The following GUCY1A2 variants were observed in gnomAD, a reference collection of about 807,000 sequenced individuals.
GUCY1A2 encodes the protein guanylate cyclase soluble subunit alpha-2.
GUCY1A2 carries 27 observed loss-of-function variants against 63.5 expected under a neutral mutation model. That is an observed-to-expected ratio of 0.43 (90% CI 0.31 to 0.59). The LOEUF (loss-of-function observed/expected upper bound fraction) is 0.59. Among genes scored for constraint, GUCY1A2 ranks in the 20% least tolerant of loss-of-function variants. The pLI, the probability that GUCY1A2 is intolerant of heterozygous loss-of-function variation, is 0.11. For synonymous variants in GUCY1A2, 364 were observed against 343.5 expected (o/e 1.06, Z -0.66); for missense variants, 768 against 913.3 (o/e 0.84, Z 2.05).
At chr11:106,884,020 C>G (rs182554734) in intron 4 of GUCY1A2, among the ~76,000 whole-genome samples, 1 of 152,166 alleles carries the variant, frequency 6.6e-6, no homozygotes. Flanking sequence ...GTGGGAACAT[C>G]ACACACCAGG....
chr11:106,723,440 T>A (rs1863352321), intron 6 of GUCY1A2, among the ~76,000 whole-genome samples: 1 of 152,218 alleles, frequency 6.6e-6, no homozygotes. Flanking sequence ...TACTGACTTC[T>A]GGGAAAACAA....
At chr11:106,814,537 T>C (rs539984706) in intron 4 of GUCY1A2, among the ~76,000 whole-genome samples, 15 of 152,172 alleles carry the variant, frequency 9.9e-5, no homozygotes, top group Admixed American at 7.9e-4. Flanking sequence ...AGAGTAATTT[T>C]GCACAACAAA....
chr11:106,914,995 G>A (rs765091542), intron 4 of GUCY1A2, among the ~76,000 whole-genome samples: 10 of 152,074 alleles, frequency 6.6e-5, no homozygotes, highest in Non-Finnish European at 1.3e-4. Flanking sequence ...ACCTAGAATT[G>A]TATGTACAGC....
chr11:106,931,859 C>G (rs1028406257), intron 4 of GUCY1A2, among the ~76,000 whole-genome samples: 1 of 152,060 alleles, frequency 6.6e-6, no homozygotes, highest in East Asian at 1.9e-4. Context: ...AATGGGTAAA[C>G]TTTTGGGGGT....
chr11:106,990,100 TC>T (rs1388347039), intron 1 of GUCY1A2, among the ~76,000 whole-genome samples: 1 of 152,028 alleles, frequency 6.6e-6, no homozygotes, highest in Non-Finnish European at 1.5e-5. Context: ...TTTCTCTCCT[TC>T]CCCCAAACTA....
chr11:106,879,565 C>T (rs888411747), intron 4 of GUCY1A2, among the ~76,000 whole-genome samples: 42 of 152,120 alleles, frequency 2.8e-4, no homozygotes, highest in Middle Eastern at 3.4e-3. Flanking sequence ...TCACACTAAT[C>T]GTCTTTCTTG....
chr11:106,702,433 T>C (rs906748540), intron 7 of GUCY1A2, among the ~76,000 whole-genome samples: 3 of 152,156 alleles, frequency 2.0e-5, no homozygotes, highest in Middle Eastern at 3.2e-3. Context: ...AGAGATGATA[T>C]GTGGGTATCT....
intron 4 of GUCY1A2, among the ~76,000 whole-genome samples, chr11:106,868,992 A>T (rs558211056): frequency 1.3e-5 from 2 of 152,374 alleles, no homozygotes; most frequent in Admixed American, 6.5e-5. Flanking sequence ...ACCTGACAAA[A>T]ACAAGAAATG....
At chr11:106,775,501 G>A (rs1475662895) in intron 6 of GUCY1A2, among the ~76,000 whole-genome samples, 6 of 149,700 alleles carry the variant, frequency 4.0e-5, no homozygotes, top group Non-Finnish European at 7.4e-5. Flanking sequence ...ATCTACACAC[G>A]TAGTGTAATT....
intron 4 of GUCY1A2, among the ~76,000 whole-genome samples, chr11:106,840,805 C>G (rs1893345): frequency 0.91 from 138,839 of 151,948 alleles, 63,519 homozygotes; most frequent in East Asian, 1. Flanking sequence ...ACAGAAAATT[C>G]CGAACAATTC....
intron 5 of GUCY1A2, among the ~76,000 whole-genome samples, chr11:106,781,868 C>T (rs11601483): frequency 0.095 from 14,460 of 152,138 alleles, 910 homozygotes; most frequent in Middle Eastern, 0.21. Context: ...ACGCCCATCC[C>T]ATTTACCTTG....
At chr11:106,980,866 A>T (rs1861325682) in intron 2 of GUCY1A2, among the ~76,000 whole-genome samples, 1 of 27,044 alleles carries the variant, frequency 3.7e-5, no homozygotes, top group Admixed American at 4.2e-4. Context: ...ACAGATGTTA[A>T]ACACAGGCAA....
intron 3 of GUCY1A2, among the ~76,000 whole-genome samples, chr11:106,960,951 C>T (rs1026265145): frequency 6.6e-6 from 1 of 151,854 alleles, no homozygotes; most frequent in Non-Finnish European, 1.5e-5. Flanking sequence ...AGTGAAAATC[C>T]AAACCTTTAA....
At chr11:106,835,006 A>G (rs915710355) in intron 4 of GUCY1A2, among the ~76,000 whole-genome samples, 2 of 152,014 alleles carry the variant, frequency 1.3e-5, no homozygotes, top group African/African-American at 4.8e-5. Context: ...TCAGAATAAA[A>G]TAAAGTCAAA....
intron 1 of GUCY1A2, among the ~76,000 whole-genome samples, chr11:106,988,614 T>C (rs543854448): frequency 1.3e-5 from 2 of 152,350 alleles, no homozygotes; most frequent in African/African-American, 4.8e-5. Flanking sequence ...AGTTTCCACA[T>C]ACATTAAAAA....
At chr11:106,996,568 C>T (rs1397652642) in intron 1 of GUCY1A2, among the ~76,000 whole-genome samples, 1 of 152,124 alleles carries the variant, frequency 6.6e-6, no homozygotes, top group African/African-American at 2.4e-5. Context: ...ATGTGCTGAG[C>T]ATTAAGATTT....
intron 3 of GUCY1A2, among the ~76,000 whole-genome samples, chr11:106,959,040 G>A (rs1393603366): frequency 6.6e-6 from 1 of 152,124 alleles, no homozygotes; most frequent in Non-Finnish European, 1.5e-5. Context: ...TCGTGGGTGA[G>A]GCAACCCTAG....
chr11:106,688,861 G>A (rs1862572999), intron 7 of GUCY1A2, among the ~76,000 whole-genome samples: 1 of 152,168 alleles, frequency 6.6e-6, no homozygotes, highest in Non-Finnish European at 1.5e-5. Context: ...CAAGAATATT[G>A]TAAAGTTTCT....
At position 106,955,403 on chromosome 11, in the gene GUCY1A2, G is replaced by C. The variant is rs561199734; in HGVS notation, c.488-15225C>G. On this transcript the variant is annotated intron_variant, in intron 3 of 7. Coordinates refer to ENST00000526355, the MANE Select transcript of GUCY1A2 (RefSeq NM_000855.3). The stretch of plus-strand genomic sequence containing the variant: ...ATGCAGTTTCTTCATGGTGTCATTG[G>C]TCTTTATATTTTGCTGTGTTTTTGC... 5.9e-5 allele frequency among the ~76,000 whole-genome samples: 9 copies of C among 152,250 alleles called. No homozygotes were observed. The East Asian group carries it at 1.7e-3, about 29-fold the overall frequency.
Sources: allele counts gnomAD v4.1 joint callset (sites outside exome capture counted in the v4.1 genomes callset), GRCh38; gene constraint gnomAD v4.1.1; transcripts MANE v1.5; gene names NCBI Gene and HGNC (gene_info 2026-07-23, HGNC 2026-07-21).